SEMA5A: variants seen among roughly 807,000 people sequenced by gnomAD.
SEMA5A encodes the protein semaphorin 5A.
SEMA5A carries 55 observed loss-of-function variants against 135.5 expected under a neutral mutation model. That is an observed-to-expected ratio of 0.41 (90% CI 0.33 to 0.51). SEMA5A has a LOEUF of 0.51. Among genes scored for constraint, SEMA5A ranks in the 20% least tolerant of loss-of-function variants. The pLI is 0.37. For missense variants in SEMA5A, 1,290 were observed against 1,419.9 expected (o/e 0.91, Z 1.47); for synonymous variants, 580 against 546.5 (o/e 1.06, Z -0.85).
rs34273974 is a variant in SEMA5A at position 9,202,032 on chromosome 5, G to C, written c.855C>G (p.Pro285=). Residue 285 remains proline (P), a synonymous_variant, in exon 9 of 23, where the codon CCC becomes CCG. Transcript: ENST00000382496. ...RLNCSRPGEV[P]FYYNELQSTF... Reference sequence around the variant, plus strand: ...TACTCTGCAATTCGTTGTAGTAAAAGGGGACTTCCCCAGGACGGGAGCAGT... The same window carrying C: ...TACTCTGCAATTCGTTGTAGTAAAACGGGACTTCCCCAGGACGGGAGCAGT... The C allele has an allele frequency of 1.3e-4, 215 of 1,614,184 alleles. No individual in the cohort carries two copies. In the African/African-American group the frequency reaches 2.6e-3, roughly 20 times the overall value.
At chr5:9,298,148 TA>T in intron 5 of SEMA5A, among the ~76,000 whole-genome samples, 1 of 152,030 alleles carries the variant, frequency 6.6e-6, no homozygotes, top group South Asian at 2.1e-4. Flanking sequence ...GTAATCAAGT[TA>T]AAATGAGATC....
intron 11 of SEMA5A, among the ~76,000 whole-genome samples, chr5:9,163,076 C>A (rs1743382450): frequency 6.6e-6 from 1 of 152,024 alleles, no homozygotes; most frequent in Admixed American, 6.6e-5. Flanking sequence ...GGAAAAGATG[C>A]AGCTGTGATG....
chr5:9,413,885 A>G (rs574898385), intron 2 of SEMA5A, among the ~76,000 whole-genome samples: 10 of 152,214 alleles, frequency 6.6e-5, no homozygotes, highest in Non-Finnish European at 1.3e-4. Flanking sequence ...TATAAAGTTT[A>G]TCGCTGGTCC....
chr5:9,412,413 C>T (rs538830264), intron 2 of SEMA5A, among the ~76,000 whole-genome samples: 3 of 151,162 alleles, frequency 2.0e-5, no homozygotes, highest in African/African-American at 7.3e-5. Flanking sequence ...CTACAATATT[C>T]TTTAAACTCT....
chr5:9,483,992 C>A (rs1174641911), intron 1 of SEMA5A, among the ~76,000 whole-genome samples: 1 of 152,172 alleles, frequency 6.6e-6, no homozygotes, highest in Non-Finnish European at 1.5e-5. Context: ...CAGACAGGCG[C>A]TGGGAGCTCA....
In SEMA5A at chr5:9,063,158, C is replaced by T. The variant is rs925706751; in HGVS notation, c.2300-53G>A. On this transcript the variant is annotated intron_variant, in intron 17 of 22. Coordinates refer to ENST00000382496, the MANE Select transcript of SEMA5A (RefSeq NM_003966.3). ...TCTGTTACAAGTTTCAGAGGAACTA[C>T]AGTCCATGCTGACTTTCATTCTGTA... 6.6e-6 allele frequency: 10 copies of T among 1,504,194 alleles called. No homozygotes were observed. In the Admixed American group the frequency reaches 1.5e-4, roughly 23 times the overall value. The allele number at this position is 1,504,194 out of a possible 1,614,324, so 93.2% of individuals were successfully genotyped here. A position where few individuals can be genotyped will look rare whatever the true frequency, so the allele number is the denominator to read the frequency against.
At chr5:9,365,144 G>T (rs1329255224) in intron 3 of SEMA5A, among the ~76,000 whole-genome samples, 1 of 152,142 alleles carries the variant, frequency 6.6e-6, no homozygotes, top group Non-Finnish European at 1.5e-5. Flanking sequence ...ATACAGAACT[G>T]ACAACACAGC....
In SEMA5A at chr5:9,383,027, C is replaced by G. The variant is rs78710557; in HGVS notation, c.-77-3004G>C. ...GGTGGGGATGGGCTAGGGAGGAAAACAGAGAGCCAGAGGCTCATCTGTCCG... is the reference window on the plus strand; with the variant it reads ...GGTGGGGATGGGCTAGGGAGGAAAAGAGAGAGCCAGAGGCTCATCTGTCCG... On this transcript the variant is annotated intron_variant, in intron 2 of 22. Coordinates refer to ENST00000382496, the MANE Select transcript of SEMA5A (RefSeq NM_003966.3). 8.3e-3 allele frequency among the ~76,000 whole-genome samples: 1,262 copies of G among 152,322 alleles called. 23 individuals carry two copies. The highest frequency in any genetic ancestry group is 0.029 in the African/African-American group (1,205 of 41,572).
intron 5 of SEMA5A, among the ~76,000 whole-genome samples, chr5:9,241,774 T>C (rs1249039606): frequency 6.6e-6 from 1 of 152,176 alleles, no homozygotes; most frequent in Non-Finnish European, 1.5e-5. Flanking sequence ...TCTTTTTATG[T>C]ATGTGTTACA....
At chr5:9,231,475 A>G in intron 6 of SEMA5A, among the ~76,000 whole-genome samples, 1 of 151,166 alleles carries the variant, frequency 6.6e-6, no homozygotes, top group East Asian at 1.9e-4. Context: ...CAAAAAAAAA[A>G]AAAAAAAAAA....
chr5:9,064,020 G>T lies in SEMA5A; in HGVS notation c.2300-915C>A, dbSNP rs528297868. 1.2e-4 allele frequency among the ~76,000 whole-genome samples: 19 copies of T among 152,356 alleles called. No individual in the cohort carries two copies. The East Asian group carries it at 3.7e-3, about 29-fold the overall frequency. ...AATAACTCTAAAAGTATGCAGTAAA[G>T]TTCCGGGGAAGTGTGCTCAGAAGAC... On this transcript the variant is annotated intron_variant, in intron 17 of 22. Coordinates refer to ENST00000382496, the MANE Select transcript of SEMA5A (RefSeq NM_003966.3).
intron 3 of SEMA5A, among the ~76,000 whole-genome samples, chr5:9,345,143 A>G (rs1753805646): frequency 6.6e-6 from 1 of 152,150 alleles, no homozygotes. Flanking sequence ...AGGTAAACCC[A>G]CCCCTGTTTC....
intron 1 of SEMA5A, among the ~76,000 whole-genome samples, chr5:9,508,536 C>T (rs1222369382): frequency 6.6e-6 from 1 of 152,196 alleles, no homozygotes; most frequent in African/African-American, 2.4e-5. Context: ...CATTTTCAGT[C>T]CTTTGGCTGC....
chr5:9,074,467 C>T (rs1198559267), intron 16 of SEMA5A, among the ~76,000 whole-genome samples: 2 of 151,824 alleles, frequency 1.3e-5, no homozygotes, highest in African/African-American at 4.8e-5. Context: ...AAGCACCATC[C>T]ATAAAATAAA....
At chr5:9,246,498 T>C (rs1175124804) in intron 5 of SEMA5A, among the ~76,000 whole-genome samples, 1 of 152,148 alleles carries the variant, frequency 6.6e-6, no homozygotes, top group African/African-American at 2.4e-5. Context: ...TACCACAATA[T>C]CTGTATACTG....
chr5:9,142,391 G>A (rs927291302), intron 12 of SEMA5A, among the ~76,000 whole-genome samples: 6 of 152,178 alleles, frequency 3.9e-5, no homozygotes, highest in Non-Finnish European at 5.9e-5. Flanking sequence ...CTGGACTTGG[G>A]CTGAAGCTTG....
rs766295107 is a variant in SEMA5A, at chr5:9,503,884, A to T, written c.-175+41700T>A. Among the ~76,000 whole-genome samples the T allele has an allele frequency of 7.9e-4, 120 of 152,356 alleles. 1 individual carries two copies. The highest frequency in any genetic ancestry group is 1.5e-3 in the Non-Finnish European group (101 of 68,018). ...CTGGAACAGACAAAGTGCTAAATAA[A>T]TGGCATCTGGCATTCACCATTCCCT... On this transcript the variant is annotated intron_variant, in intron 1 of 22. Transcript: ENST00000382496.
At chr5:9,474,745 T>A (rs1051037458) in intron 1 of SEMA5A, among the ~76,000 whole-genome samples, 2 of 152,092 alleles carry the variant, frequency 1.3e-5, no homozygotes, top group African/African-American at 4.8e-5. Context: ...CATGGCCCCA[T>A]GTCATCCAGC....
At chr5:9,087,004 C>T (rs537574649) in intron 16 of SEMA5A, among the ~76,000 whole-genome samples, 72 of 152,108 alleles carry the variant, frequency 4.7e-4, no homozygotes, top group Admixed American at 1.2e-3. Context: ...TTCTCTGTGC[C>T]CACTTCTGTG....
Sources: allele counts gnomAD v4.1 joint callset (sites outside exome capture counted in the v4.1 genomes callset), GRCh38; gene constraint gnomAD v4.1.1; transcripts MANE v1.5; gene names NCBI Gene and HGNC (gene_info 2026-07-23, HGNC 2026-07-21).